Variants in TSPAN5 observed in about 807,000 individuals in gnomAD.
The protein encoded by TSPAN5 is tetraspanin 5.
A neutral mutation model predicts 37.1 loss-of-function variants in TSPAN5; 10 were observed. The ratio of observed to expected loss-of-function variants is 0.27; its 90% CI spans 0.17 to 0.46. The LOEUF (loss-of-function observed/expected upper bound fraction) is 0.46. Among genes scored for constraint, TSPAN5 ranks in the 20% least tolerant of loss-of-function variants. TSPAN5 has a pLI of 1.00. For synonymous variants in TSPAN5, 110 were observed against 118.9 expected (o/e 0.93, Z 0.48); for missense variants, 195 against 326.6 (o/e 0.60, Z 3.11).
chr4:98,567,956 T>C (rs1755043915), intron 1 of TSPAN5, among the ~76,000 whole-genome samples: 1 of 152,110 alleles, frequency 6.6e-6, no homozygotes, highest in African/African-American at 2.4e-5. Flanking sequence ...ACTTTCTTCA[T>C]CTGTAAAATG....
chr4:98,482,382 A>T, intron 3 of TSPAN5: 1 of 460,410 alleles, frequency 2.2e-6, no homozygotes, highest in Non-Finnish European at 3.8e-6. Context: ...ATCACATTTT[A>T]GGGTCTCTAG....
chr4:98,532,706 G>A (rs1255655965), intron 1 of TSPAN5, among the ~76,000 whole-genome samples: 1 of 152,108 alleles, frequency 6.6e-6, no homozygotes, highest in Admixed American at 6.6e-5. Flanking sequence ...TGAGTGCCCT[G>A]GCCAGAACTT....
intron 1 of TSPAN5, among the ~76,000 whole-genome samples, chr4:98,586,567 T>G (rs927007242): frequency 6.6e-6 from 1 of 152,244 alleles, no homozygotes; most frequent in Non-Finnish European, 1.5e-5. Context: ...TTCTTTTTCC[T>G]CCATTTACCC....
intron 1 of TSPAN5, among the ~76,000 whole-genome samples, chr4:98,605,332 G>A (rs1024709406): frequency 2.0e-5 from 3 of 152,152 alleles, no homozygotes; most frequent in Admixed American, 6.5e-5. Context: ...AATTGTGGGG[G>A]CACTAATCAG....
chr4:98,605,212 G>T (rs537443560), intron 1 of TSPAN5, among the ~76,000 whole-genome samples: 1 of 151,988 alleles, frequency 6.6e-6, no homozygotes, highest in Non-Finnish European at 1.5e-5. Context: ...ATCAAAAACC[G>T]CAAGGTTTGA....
At position 98,486,944 on chromosome 4, in the gene TSPAN5, G is replaced by A; in HGVS notation, c.133-60C>T. ...GGATGTGGGGTCAGTTTTCCAACATGTAAAGATTATTGCATTTGTCCTTTC... is the reference window on the plus strand; with the variant it reads ...GGATGTGGGGTCAGTTTTCCAACATATAAAGATTATTGCATTTGTCCTTTC... On this transcript the variant is annotated intron_variant, in intron 2 of 7. Coordinates refer to ENST00000305798, the MANE Select transcript of TSPAN5 (RefSeq NM_005723.4). 4.4e-6 allele frequency: 7 copies of A among 1,578,904 alleles called. No individual in the cohort carries two copies. The South Asian group carries it at 6.8e-5, about 15-fold the overall frequency.
intron 1 of TSPAN5, among the ~76,000 whole-genome samples, chr4:98,525,159 G>A (rs1375204211): frequency 6.6e-6 from 1 of 152,170 alleles, no homozygotes; most frequent in Non-Finnish European, 1.5e-5. Flanking sequence ...AACATAAAAT[G>A]GGTCCTGCTC....
In TSPAN5 at chr4:98,562,726, G is replaced by A. The variant is rs533911451; in HGVS notation, c.82-54998C>T. 3.7e-4 allele frequency among the ~76,000 whole-genome samples: 57 copies of A among 152,196 alleles called. 1 individual carries two copies. Among genetic ancestry groups the A allele is most frequent in the African/African-American group, 1.3e-3 (54 of 41,516 alleles). On this transcript the variant is annotated intron_variant, in intron 1 of 7. Transcript: ENST00000305798. ...AAACAGGATTTAAGAACTATACGGG[G>A]AGGACTGAGAAGGCTTGTGATACAT...
intron 1 of TSPAN5, among the ~76,000 whole-genome samples, chr4:98,623,898 A>G (rs1483296030): frequency 6.6e-6 from 1 of 152,120 alleles, no homozygotes; most frequent in Non-Finnish European, 1.5e-5. Context: ...AATTTTATCC[A>G]TTTACAGAAG....
Position 98,565,118 on chromosome 4 carries a change from C to A in TSPAN5, c.82-57390G>T, listed in dbSNP as rs529412830. On this transcript the variant is annotated intron_variant, in intron 1 of 7. Coordinates refer to ENST00000305798, the MANE Select transcript of TSPAN5 (RefSeq NM_005723.4). ...CTTCTCATGAACCTTGGATCCTGCA[C>A]AATATGGCTCGTCATATCCTTTGTG... Among the ~76,000 whole-genome samples, 4 of 152,252 alleles carry A rather than the reference C, an allele frequency of 2.6e-5. No homozygotes were observed. In the South Asian group the frequency reaches 6.2e-4, roughly 24 times the overall value.
At chr4:98,598,426 C>G (rs543451955) in intron 1 of TSPAN5, among the ~76,000 whole-genome samples, 3 of 151,068 alleles carry the variant, frequency 2.0e-5, no homozygotes, top group African/African-American at 4.9e-5. Context: ...AGCTGTAGAC[C>G]GGAGCTGTTC....
chr4:98,583,204 G>A (rs1446981470), intron 1 of TSPAN5, among the ~76,000 whole-genome samples: 2 of 152,078 alleles, frequency 1.3e-5, no homozygotes, highest in African/African-American at 4.8e-5. Context: ...TTATTCTTAA[G>A]AATCCAGAAT....
chr4:98,516,692 G>A (rs1264143861), intron 1 of TSPAN5, among the ~76,000 whole-genome samples: 2 of 152,150 alleles, frequency 1.3e-5, no homozygotes, highest in African/African-American at 4.8e-5. Flanking sequence ...GGGTCATGGG[G>A]GCAGAGCTCT....
At chr4:98,477,991 C>T (rs181245607) in intron 5 of TSPAN5, among the ~76,000 whole-genome samples, 8 of 152,024 alleles carry the variant, frequency 5.3e-5, no homozygotes, top group Admixed American at 2.6e-4. Flanking sequence ...TTCTATATAC[C>T]AGGCACGATT....
chr4:98,631,826 G>A (rs1361323010), intron 1 of TSPAN5, among the ~76,000 whole-genome samples: 1 of 152,192 alleles, frequency 6.6e-6, no homozygotes, highest in Non-Finnish European at 1.5e-5. Flanking sequence ...AGTCAGACAG[G>A]AGGAAACTTT....
intron 3 of TSPAN5, chr4:98,484,333 T>C (rs531500113): frequency 6.4e-5 from 27 of 418,646 alleles, no homozygotes; most frequent in South Asian, 4.2e-4. Flanking sequence ...GCAAGTCTCC[T>C]AGGGGAATCA....
intron 1 of TSPAN5, among the ~76,000 whole-genome samples, chr4:98,637,825 C>G (rs1756888296): frequency 6.6e-6 from 1 of 152,188 alleles, no homozygotes; most frequent in Non-Finnish European, 1.5e-5. Flanking sequence ...TGTCACTCTC[C>G]AATAGGCTGG....
intron 1 of TSPAN5, among the ~76,000 whole-genome samples, chr4:98,521,461 G>C (rs1266042293): frequency 6.6e-6 from 1 of 152,234 alleles, no homozygotes; most frequent in Non-Finnish European, 1.5e-5. Context: ...CTCAGGGAAA[G>C]TGTACAAAAA....
rs199534372 is a variant in TSPAN5 at position 98,528,408 on chromosome 4, CAG to C, written c.82-20682_82-20681del. On this transcript the variant is annotated intron_variant, in intron 1 of 7. Coordinates refer to ENST00000305798, the MANE Select transcript of TSPAN5 (RefSeq NM_005723.4). ...AACTAGCCAAAATAATTAAATGTAACAGATGATTTTTTTTTTTTTTTTTGCTG... is the reference window on the plus strand; with the variant it reads ...AACTAGCCAAAATAATTAAATGTAACATGATTTTTTTTTTTTTTTTTGCTG... Among the ~76,000 whole-genome samples the C allele has an allele frequency of 3.9e-3, 460 of 117,282 alleles. 1 individual carries two copies. The highest frequency in any genetic ancestry group is 5.6e-3 in the Non-Finnish European group (340 of 61,238). 76.9% of individuals were successfully genotyped at this position (117,282 alleles called of 152,430 possible).
Sources: gnomAD v4.1 joint callset for allele counts (sites outside exome capture counted in the v4.1 genomes callset) on GRCh38, gnomAD v4.1.1 for gene constraint, MANE v1.5 for transcripts, NCBI Gene and HGNC (gene_info 2026-07-23, HGNC 2026-07-21) for gene names.